Variants in CDH20 observed in about 807,000 individuals in gnomAD.
CDH20 encodes cadherin 20.
A neutral mutation model predicts 74.2 loss-of-function variants in CDH20; 29 were observed. The ratio of observed to expected loss-of-function variants is 0.39; its 90% confidence interval spans 0.29 to 0.53. CDH20 has a LOEUF of 0.53. Ranked by LOEUF, CDH20 falls within the 20% of genes least tolerant of loss-of-function variation. The pLI, the probability that CDH20 is intolerant of heterozygous loss-of-function variation, is 0.69. For synonymous variants in CDH20, 469 were observed against 405.4 expected, an observed-to-expected ratio of 1.16 and a Z score of -1.88; for missense variants, 988 against 1,048.3, an observed-to-expected ratio of 0.94 and a Z score of 0.79.
At chr18:61,390,867 A>G (rs1256500204) in intron 1 of CDH20, among the ~76,000 whole-genome samples, 2 of 152,198 alleles carry the variant, frequency 1.3e-5, no homozygotes, top group East Asian at 3.8e-4. Flanking sequence ...TTCATAATAG[A>G]AAATATAGCA....
chr18:61,334,103 G>T (rs1423064735), intron 1 of CDH20, among the ~76,000 whole-genome samples: 1 of 152,174 alleles, frequency 6.6e-6, no homozygotes, highest in African/African-American at 2.4e-5. Context: ...GCAGGTGGAG[G>T]ACGTGGCGCG....
rs1354539383 is a variant in CDH20, at chr18:61,515,346, G to T, written c.1017+7786G>T. On this transcript the variant is annotated intron_variant, in intron 6 of 11. Transcript: ENST00000262717. Reference sequence around the variant, plus strand: ...TGCTTCCCAAGTGAGGCAATGCCTCGCCCTGCTTCGGCTCGCGCACGGTGC... The same window carrying T: ...TGCTTCCCAAGTGAGGCAATGCCTCTCCCTGCTTCGGCTCGCGCACGGTGC... Among the ~76,000 whole-genome samples, 29 of 152,182 alleles carry T rather than the reference G, an allele frequency of 1.9e-4. 1 individual carries two copies. Among genetic ancestry groups the T allele is most frequent in the Non-Finnish European group, 4.0e-4 (27 of 68,000 alleles).
chr18:61,409,449 G>T (rs1270197325), intron 1 of CDH20, among the ~76,000 whole-genome samples: 1 of 152,142 alleles, frequency 6.6e-6, no homozygotes, highest in Non-Finnish European at 1.5e-5. Flanking sequence ...CTTCGATGGG[G>T]ACATTTGGAC....
At chr18:61,471,140 G>GA (rs1412734794) in intron 1 of CDH20, among the ~76,000 whole-genome samples, 1 of 152,098 alleles carries the variant, frequency 6.6e-6, no homozygotes, top group African/African-American at 2.4e-5. Context: ...TTATAACTCT[G>GA]AAAAAAATGT....
intron 1 of CDH20, among the ~76,000 whole-genome samples, chr18:61,375,727 T>A (rs1204554261): frequency 6.6e-6 from 1 of 152,140 alleles, no homozygotes; most frequent in African/African-American, 2.4e-5. Flanking sequence ...ATTCATTTAA[T>A]AACAAACTTT....
intron 1 of CDH20, among the ~76,000 whole-genome samples, chr18:61,429,144 TC>T (rs1319612491): frequency 6.6e-6 from 1 of 152,168 alleles, no homozygotes; most frequent in Non-Finnish European, 1.5e-5. Context: ...AGTTTTTGAC[TC>T]CCTTGCTACA....
intron 1 of CDH20, among the ~76,000 whole-genome samples, chr18:61,396,920 T>C (rs1267087572): frequency 6.6e-6 from 1 of 152,184 alleles, no homozygotes; most frequent in Non-Finnish European, 1.5e-5. Flanking sequence ...CTCTGAGACA[T>C]CTCTCATTGC....
At chr18:61,352,290 G>A (rs1731125503) in intron 1 of CDH20, among the ~76,000 whole-genome samples, 2 of 152,212 alleles carry the variant, frequency 1.3e-5, no homozygotes, top group Non-Finnish European at 2.9e-5. Context: ...AGCATTGAGA[G>A]GAGCATAAAA....
intron 1 of CDH20, among the ~76,000 whole-genome samples, chr18:61,474,183 T>G (rs1910286956): frequency 6.6e-6 from 1 of 152,186 alleles, no homozygotes; most frequent in African/African-American, 2.4e-5. Context: ...AGGAGATTTC[T>G]AAATCTCCCT....
chr18:61,339,579 G>A (rs1909871140), intron 1 of CDH20, among the ~76,000 whole-genome samples: 1 of 151,378 alleles, frequency 6.6e-6, no homozygotes, highest in Non-Finnish European at 1.5e-5. Context: ...GACCAATCAT[G>A]ACTAAATAAC....
At chr18:61,364,920 A>C (rs1184040780) in intron 1 of CDH20, among the ~76,000 whole-genome samples, 1 of 152,236 alleles carries the variant, frequency 6.6e-6, no homozygotes, top group East Asian at 1.9e-4. Flanking sequence ...GCTACACTAA[A>C]GTTGAGGTAT....
intron 6 of CDH20, among the ~76,000 whole-genome samples, chr18:61,521,067 T>A (rs1322513315): frequency 7.2e-6 from 1 of 139,004 alleles, no homozygotes. Context: ...AAGAAGTAAC[T>A]AAGATCAGAG....
At chr18:61,339,317 T>C (rs190631155) in intron 1 of CDH20, among the ~76,000 whole-genome samples, 47 of 144,520 alleles carry the variant, frequency 3.3e-4, no homozygotes, top group African/African-American at 1.1e-3. Context: ...ACTGAGTCTT[T>C]TTTATTTTAT....
Position 61,539,027 on chromosome 18 carries a change from A to G in CDH20, c.1412A>G (p.Asn471Ser). The change falls in exon 9 of 12, where the codon AAT becomes AGT. Residue 471 changes from asparagine (N) to serine (S), a missense_variant. Around this residue, in one of 2 missense-constraint regions of CDH20, gnomAD observed 613 missense variants for 755.2 expected, o/e 0.81. Transcript: ENST00000262717. ...GTTTTCCTTGTGTTCCCTTTAGACA[A>G]TCCCTCCCAGGTTGGAAGTGTTCCT... ...NITVLAMEMN[N>S]PSQVGSVPVT... is the part of the protein sequence containing the mutation. 2 of 1,613,892 alleles carry G rather than the reference A, an allele frequency of 1.2e-6. No individual in the cohort carries two copies. The highest frequency in any genetic ancestry group is 1.7e-6 in the Non-Finnish European group (2 of 1,179,946).
At chr18:61,436,074 A>G (rs1481695094) in intron 1 of CDH20, among the ~76,000 whole-genome samples, 1 of 152,148 alleles carries the variant, frequency 6.6e-6, no homozygotes, top group Non-Finnish European at 1.5e-5. Flanking sequence ...TTCAAGGTTC[A>G]TCTGTGTCGT....
At chr18:61,500,601 G>T in intron 4 of CDH20, 99 bp downstream of exon 4, 1 of 1,310,940 alleles carries the variant, frequency 7.6e-7, no homozygotes, top group Non-Finnish European at 1.0e-6. Context: ...ACTCTCCAGG[G>T]AGTGTATTAA....
At chr18:61,507,334 C>A in intron 5 of CDH20, 39 bp from the exon 6 acceptor site, 1 of 1,579,074 alleles carries the variant, frequency 6.3e-7, no homozygotes, top group Non-Finnish European at 8.6e-7. Context: ...TTTATAGTGA[C>A]GGATTATCAA....
chr18:61,554,468 C>A lies in CDH20; in HGVS notation c.2179C>A (p.Leu727Met). 1 of 1,613,214 alleles carries A rather than the reference C, an allele frequency of 6.2e-7. No individual in the cohort carries two copies. Among genetic ancestry groups the A allele is most frequent in the Non-Finnish European group, 8.5e-7 (1 of 1,179,864 alleles). The change falls in exon 12 of 12, where the codon CTG becomes ATG. Residue 727 changes from leucine (L) to methionine (M), a missense_variant. Physicochemically the swap from Leu to Met is conservative, Grantham distance 15 (BLOSUM62 2). Transcript: ENST00000262717. ...AVNSTVHSYV[L>M]AKLYEADMDL... ...GAACAGCACTGTCCACAGCTACGTG[C>A]TGGCCAAGCTCTACGAGGCCGACAT...
chr18:61,522,140 C>A (rs997306559), intron 6 of CDH20, among the ~76,000 whole-genome samples: 1 of 152,154 alleles, frequency 6.6e-6, no homozygotes, highest in South Asian at 2.1e-4. Flanking sequence ...TCTTTGTTTG[C>A]AGATGACATG....
Sources: allele counts gnomAD v4.1 joint callset (sites outside exome capture counted in the v4.1 genomes callset), GRCh38; gene constraint gnomAD v4.1.1; regional missense constraint gnomAD v4.1.1; transcripts MANE v1.5; gene names NCBI Gene and HGNC (gene_info 2026-07-23, HGNC 2026-07-21).